The following GNA11 variants were observed in gnomAD, a reference collection of about 807,000 sequenced individuals.
GNA11 encodes G protein subunit alpha 11.
GNA11 carries 8 observed loss-of-function variants against 38.2 expected under a neutral mutation model. The observed-to-expected ratio is 0.21, with a 90% CI of 0.12 to 0.38. The LOEUF (loss-of-function observed/expected upper bound fraction) is 0.38. Among genes scored for constraint, GNA11 ranks in the 10% least tolerant of loss-of-function variants. The pLI is 1.00. For synonymous variants in GNA11, 211 were observed against 221.4 expected (o/e 0.95, Z 0.42); for missense variants, 268 against 516.3 (o/e 0.52, Z 4.66).
intron 1 of GNA11, among the ~76,000 whole-genome samples, chr19:3,106,078 A>G (rs1039441926): frequency 1.3e-5 from 2 of 151,912 alleles, no homozygotes; most frequent in Admixed American, 1.3e-4. Context: ...TTTCAGGTGG[A>G]GTGTGGCTGC....
chr19:3,098,796 G>A (rs1227630878), intron 1 of GNA11, among the ~76,000 whole-genome samples: 5 of 152,164 alleles, frequency 3.3e-5, no homozygotes, highest in Non-Finnish European at 5.9e-5. Context: ...AGCAGGAAGC[G>A]CCCTTGGATG....
chr19:3,116,448 C>CGCATCCTTGGCATCCTTG (rs56958857), intron 4 of GNA11, among the ~76,000 whole-genome samples: 2 of 151,928 alleles, frequency 1.3e-5, no homozygotes, highest in Non-Finnish European at 2.9e-5. Flanking sequence ...TAGTGGCGGC[C>CGCATCCTTGGCATCCTTG]GCATCCTTGG....
Position 3,119,099 on chromosome 19 carries a change from C to T in GNA11, c.735+46C>T, listed in dbSNP as rs539354791. Reference sequence around the variant, plus strand: ...GGGCAGCGTTGGGGGCCGGGCCTTCCCCACCTGCCAAGCCTGGGTCCCCTC... The same window carrying T: ...GGGCAGCGTTGGGGGCCGGGCCTTCTCCACCTGCCAAGCCTGGGTCCCCTC... On this transcript the variant is annotated intron_variant, in intron 5 of 6. Coordinates refer to ENST00000078429, the MANE Select transcript of GNA11 (RefSeq NM_002067.5). This position sits in a 1 kb window ranked among gnomAD's most constrained non-coding sequence, Gnocchi z 4.6. 8.1e-6 allele frequency: 13 copies of T among 1,607,964 alleles called. No homozygotes were observed. In the East Asian group the frequency reaches 2.2e-4, roughly 28 times the overall value.
At chr19:3,106,643 G>A (rs1410839193) in intron 1 of GNA11, among the ~76,000 whole-genome samples, 1 of 50,478 alleles carries the variant, frequency 2.0e-5, no homozygotes, top group Non-Finnish European at 5.4e-5. Context: ...TGGTGCACAT[G>A]GGTTAACATG....
intron 1 of GNA11, among the ~76,000 whole-genome samples, chr19:3,100,770 C>T (rs1158347558): frequency 1.3e-5 from 2 of 152,204 alleles, no homozygotes; most frequent in African/African-American, 2.4e-5. Flanking sequence ...AGTCACTTCC[C>T]TCTCCCGGCC....
intron 1 of GNA11, among the ~76,000 whole-genome samples, chr19:3,104,332 G>C (rs966852634): frequency 6.6e-6 from 1 of 152,252 alleles, no homozygotes; most frequent in African/African-American, 2.4e-5. Flanking sequence ...TGGCTCAGTG[G>C]GAGCAGTGGG....
chr19:3,113,237 C>A, intron 2 of GNA11, 93 bp from the exon 3 acceptor site: 1 of 1,262,162 alleles, frequency 7.9e-7, no homozygotes, highest in Non-Finnish European at 1.1e-6. Context: ...GCCGCCCGGG[C>A]CAGCCGAGGC....
At chr19:3,098,726 G>A (rs576256122) in intron 1 of GNA11, among the ~76,000 whole-genome samples, 8 of 152,346 alleles carry the variant, frequency 5.3e-5, no homozygotes, top group Non-Finnish European at 1.0e-4. Flanking sequence ...GTTGGGAGGC[G>A]TGGAGCGTGG....
intron 1 of GNA11, among the ~76,000 whole-genome samples, chr19:3,099,480 G>A (rs182436565): frequency 3.3e-5 from 5 of 152,212 alleles, no homozygotes; most frequent in African/African-American, 7.2e-5. Context: ...GTTTGCTGGC[G>A]TGCAGGTGGT....
intron 1 of GNA11, among the ~76,000 whole-genome samples, chr19:3,109,711 A>G (rs1361504938): frequency 1.3e-5 from 2 of 152,118 alleles, no homozygotes; most frequent in Non-Finnish European, 2.9e-5. Flanking sequence ...CGTTGGGGTG[A>G]GTCCGTCTGT....
rs1914051103 is a variant in GNA11 at position 3,120,744 on chromosome 19, G to T, written c.890-245G>T. On this transcript the variant is annotated intron_variant, in intron 6 of 6. Coordinates refer to ENST00000078429, the MANE Select transcript of GNA11 (RefSeq NM_002067.5). The surrounding 1 kb of genome is among the most constrained non-coding windows in gnomAD (Gnocchi z 5.9). ...GGCTGAGCAGAGGGAGCAGCGGTGG[G>T]TGCAGAGCCCCAGGTTGGAGGCCTG... 6.6e-6 allele frequency among the ~76,000 whole-genome samples: 1 copy of T among 152,132 alleles called. No homozygotes were observed. The highest frequency in any genetic ancestry group is 6.5e-5 in the Admixed American group (1 of 15,292).
At chr19:3,104,973 A>C (rs532941157) in intron 1 of GNA11, among the ~76,000 whole-genome samples, 1 of 152,032 alleles carries the variant, frequency 6.6e-6, no homozygotes, top group Non-Finnish European at 1.5e-5. Context: ...CACAGCTGCC[A>C]GTGCCCACGA....
chr19:3,098,026 G>T (rs555420630), intron 1 of GNA11, among the ~76,000 whole-genome samples: 1 of 152,374 alleles, frequency 6.6e-6, no homozygotes, highest in Non-Finnish European at 1.5e-5. Context: ...TCGTGGCAAA[G>T]CTGAGGGATA....
rs766042469 is a variant in GNA11, at chr19:3,110,106, C to G, written c.137-43C>G. The G allele has an allele frequency of 2.0e-6, 3 of 1,503,718 alleles. No individual in the cohort carries two copies. The highest frequency in any genetic ancestry group is 1.8e-6 in the Non-Finnish European group (2 of 1,106,150). The allele number at this position is 1,503,718 out of a possible 1,614,324, so 93.1% of individuals were successfully genotyped here. On this transcript the variant is annotated intron_variant, in intron 1 of 6. Coordinates refer to ENST00000078429, the MANE Select transcript of GNA11 (RefSeq NM_002067.5). This position sits in a 1 kb window ranked among gnomAD's most constrained non-coding sequence, Gnocchi z 5.4. ...TAAGAGGGGGCAGCAGCACGAGAGT[C>G]AGGCCCCGGCTGCCGCCCGCCCTCA...
chr19:3,095,354 C>G (rs1314101657), intron 1 of GNA11, among the ~76,000 whole-genome samples: 1 of 152,106 alleles, frequency 6.6e-6, no homozygotes, highest in Non-Finnish European at 1.5e-5. Flanking sequence ...TCTGACCTTA[C>G]CCCACCGGAG....
intron 4 of GNA11, among the ~76,000 whole-genome samples, chr19:3,116,314 G>A (rs188563764): frequency 1.5e-3 from 226 of 152,276 alleles, no homozygotes; most frequent in African/African-American, 4.9e-3. Flanking sequence ...GGTGTCGGGC[G>A]TGAGACTCCC....
rs1913735988 is a variant in GNA11, at chr19:3,110,157, G to A, written c.145G>A (p.Glu49Lys). Residue 49 changes from glutamate to lysine, a missense_variant, in exon 2 of 7, where the codon GAG becomes AAG. Coordinates refer to ENST00000078429, the MANE Select transcript of GNA11 (RefSeq NM_002067.5). This position sits in a 1 kb window ranked among gnomAD's most constrained non-coding sequence, Gnocchi z 5.4. ...CGTGCCCCGTCCCCCAGGCACGGGC[G>A]AGAGCGGGAAGAGCACGTTCATCAA... is the stretch of plus-strand genomic sequence containing the variant. ...ELKLLLLGTG[E>K]SGKSTFIKQM... 1.9e-6 allele frequency: 3 copies of A among 1,608,424 alleles called. No homozygotes were observed. The highest frequency in any genetic ancestry group is 1.7e-6 in the Non-Finnish European group (2 of 1,177,714).
At chr19:3,103,456 G>A (rs1461158698) in intron 1 of GNA11, among the ~76,000 whole-genome samples, 4 of 146,140 alleles carry the variant, frequency 2.7e-5, no homozygotes, top group African/African-American at 7.6e-5. Flanking sequence ...CAGGTGATCC[G>A]CTTGCCTTGG....
Position 3,094,901 on chromosome 19 carries a change from T to A in GNA11, c.136+114T>A. On this transcript the variant is annotated intron_variant, in intron 1 of 6. Transcript: ENST00000078429. This position sits in a 1 kb window ranked among gnomAD's most constrained non-coding sequence, Gnocchi z 6.0. ...GTCAGCCCTGCCTGTGCCGTCCGGG[T>A]CGCGAGACCCTCCGGGGTCAGCCCT... is the stretch of plus-strand genomic sequence containing the variant. 1.4e-6 allele frequency: 1 copy of A among 702,866 alleles called. No homozygotes were observed. Among genetic ancestry groups the A allele is most frequent in the Non-Finnish European group, 2.1e-6 (1 of 478,884 alleles). The allele number at this position is 702,866 out of a possible 1,614,324, so 43.5% of individuals were successfully genotyped here.
Sources: allele counts gnomAD v4.1 joint callset (sites outside exome capture counted in the v4.1 genomes callset), GRCh38; gene constraint gnomAD v4.1.1; non-coding constraint Gnocchi (gnomAD v3.1); transcripts MANE v1.5; gene names NCBI Gene and HGNC (gene_info 2026-07-23, HGNC 2026-07-21).